The following PTGER3 variants were observed in gnomAD, a reference collection of about 807,000 sequenced individuals.
The protein encoded by PTGER3 is prostaglandin E receptor 3.
PTGER3 carries 22 observed loss-of-function variants against 34.7 expected under a neutral mutation model. That is an observed-to-expected ratio of 0.63 (90% CI 0.45 to 0.91). The LOEUF (loss-of-function observed/expected upper bound fraction) is 0.91. PTGER3 is among the 40% of genes least tolerant of loss of function. The pLI, the probability that PTGER3 is intolerant of heterozygous loss-of-function variation, is 0.00. For missense variants in PTGER3, 468 were observed against 519.4 expected (o/e 0.90, Z 0.96); for synonymous variants, 241 against 230.1 (o/e 1.05, Z -0.43).
intron 4 of PTGER3, among the ~76,000 whole-genome samples, chr1:70,939,944 C>A (rs957181894): frequency 2.0e-5 from 3 of 152,326 alleles, no homozygotes; most frequent in African/African-American, 4.8e-5. Context: ...GCTTGAATTT[C>A]TATCCAGAAG....
intron 4 of PTGER3, among the ~76,000 whole-genome samples, chr1:70,876,082 C>T (rs1420208320): frequency 6.6e-6 from 1 of 152,142 alleles, no homozygotes; most frequent in Non-Finnish European, 1.5e-5. Flanking sequence ...TCCTTTTCTC[C>T]ACAACCTTGC....
At chr1:71,010,652 C>T (rs77535479) in intron 2 of PTGER3, 1 of 984,310 alleles carries the variant, frequency 1.0e-6, no homozygotes, top group East Asian at 1.1e-4. Flanking sequence ...ATGAGATGAC[C>T]TACAGGATAA....
chr1:70,994,862 G>A (rs1655795387), intron 2 of PTGER3, among the ~76,000 whole-genome samples: 1 of 151,878 alleles, frequency 6.6e-6, no homozygotes, highest in Non-Finnish European at 1.5e-5. Flanking sequence ...GTATTTCTAT[G>A]TCTACTGTGT....
intron 2 of PTGER3, among the ~76,000 whole-genome samples, chr1:70,964,851 ATTTG>A (rs1411958320): frequency 3.3e-5 from 5 of 152,230 alleles, no homozygotes; most frequent in Non-Finnish European, 7.3e-5. Context: ...TCCAGCAAGA[ATTTG>A]TTTGTACCAG....
At chr1:70,914,293 G>A (rs529218797) in intron 4 of PTGER3, among the ~76,000 whole-genome samples, 1 of 151,794 alleles carries the variant, frequency 6.6e-6, no homozygotes, top group South Asian at 2.1e-4. Context: ...AACTGCAGTT[G>A]ATATCTAGTC....
chr1:70,974,175 T>A, intron 3 of PTGER3, 122 bp downstream of exon 3: 1 of 1,356,210 alleles, frequency 7.4e-7, no homozygotes. Context: ...CTTAATCAGA[T>A]GTATATGTTT....
At chr1:71,002,717 A>G (rs891379726) in intron 2 of PTGER3, among the ~76,000 whole-genome samples, 1 of 152,216 alleles carries the variant, frequency 6.6e-6, no homozygotes, top group Non-Finnish European at 1.5e-5. Context: ...TTATTTCTCC[A>G]AAATATTTCA....
chr1:71,043,581 A>C (rs1034716876), intron 1 of PTGER3, among the ~76,000 whole-genome samples: 1 of 152,214 alleles, frequency 6.6e-6, no homozygotes, highest in Admixed American at 6.5e-5. Context: ...TTAGAATAGT[A>C]TCCTACACCC....
At chr1:70,941,368 A>G (rs1179901808) in intron 4 of PTGER3, among the ~76,000 whole-genome samples, 1 of 152,204 alleles carries the variant, frequency 6.6e-6, no homozygotes, top group African/African-American at 2.4e-5. Flanking sequence ...TTGGGCATAA[A>G]ATGAAAATTG....
At position 70,974,369 on chromosome 1, in the gene PTGER3, T is replaced by C. The variant is rs13306014; in HGVS notation, c.1097A>G (p.Asn366Ser). Reference protein sequence around the residue: ...KFCQIRYHTNNYASSSTSLPC... With the variant: ...KFCQIRYHTNSYASSSTSLPC... ...TAAGGAGGTGGAGCTGGATGCATAG[T>C]TGTTTGTGTGGTACCTGATCTGTGA... The change falls in exon 3 of 4, where the codon AAC becomes AGC. Residue 366 changes from asparagine (N) to serine (S), a missense_variant. By Grantham distance (46) the Asn-to-Ser change is conservative. Around this residue, in one of 5 missense-constraint regions of PTGER3, gnomAD observed 57 missense variants for 43.8 expected, o/e 1.30. Coordinates refer to ENST00000306666, the MANE Select transcript of PTGER3 (RefSeq NM_198719.2). 2,665 of 1,116,058 alleles carry C rather than the reference T, an allele frequency of 2.4e-3. 39 individuals are homozygous for C. The East Asian group carries it at 0.028, about 12-fold the overall frequency. The allele number at this position is 1,116,058 out of a possible 1,614,324, so 69.1% of individuals were successfully genotyped here.
At chr1:70,938,859 A>G (rs1410517129) in intron 4 of PTGER3, among the ~76,000 whole-genome samples, 1 of 152,190 alleles carries the variant, frequency 6.6e-6, no homozygotes, top group Non-Finnish European at 1.5e-5. Flanking sequence ...GGGTAGGGAC[A>G]TGGCCAAACC....
chr1:70,992,138 A>G (rs1425519575), intron 2 of PTGER3, among the ~76,000 whole-genome samples: 2 of 152,206 alleles, frequency 1.3e-5, no homozygotes, highest in African/African-American at 2.4e-5. Flanking sequence ...CACAGCTAGT[A>G]AGTAAATGAA....
At chr1:70,893,757 C>T (rs750412243) in intron 4 of PTGER3, among the ~76,000 whole-genome samples, 35 of 152,220 alleles carry the variant, frequency 2.3e-4, no homozygotes, top group Non-Finnish European at 4.4e-4. Flanking sequence ...CCAAGATGAA[C>T]GTATGCAAAT....
At chr1:71,039,606 C>T (rs549646877) in intron 1 of PTGER3, among the ~76,000 whole-genome samples, 53 of 141,544 alleles carry the variant, frequency 3.7e-4, no homozygotes, top group Non-Finnish European at 5.3e-4. Flanking sequence ...GCGGAGATTG[C>T]GCCACTGCAC....
chr1:70,977,261 G>C (rs1300675948), intron 2 of PTGER3, among the ~76,000 whole-genome samples: 1 of 152,012 alleles, frequency 6.6e-6, no homozygotes, highest in Non-Finnish European at 1.5e-5. Flanking sequence ...TCATTTGTTT[G>C]GCCTTCTGCT....
chr1:70,955,501 G>A (rs529207121), intron 2 of PTGER3, among the ~76,000 whole-genome samples: 25 of 152,142 alleles, frequency 1.6e-4, no homozygotes, highest in African/African-American at 6.0e-4. Context: ...ATGGAGGAAA[G>A]GAAGAAGGGA....
intron 4 of PTGER3, among the ~76,000 whole-genome samples, chr1:70,877,667 C>T (rs1222052603): frequency 2.6e-5 from 4 of 152,054 alleles, no homozygotes; most frequent in African/African-American, 9.7e-5. Flanking sequence ...TGAAGGGATG[C>T]TGACTTTTAT....
rs182974132 is a variant in PTGER3, at chr1:70,996,280, A to G, written c.1077+16025T>C. ...GAATTAGGTTGAATAGTTAAGTAGTAATTAGGCTTGACTTACCTAAAAAAA... is the reference window on the plus strand; with the variant it reads ...GAATTAGGTTGAATAGTTAAGTAGTGATTAGGCTTGACTTACCTAAAAAAA... On this transcript the variant is annotated intron_variant, in intron 2 of 3. Transcript: ENST00000306666. Among the ~76,000 whole-genome samples the G allele has an allele frequency of 4.6e-5, 7 of 152,218 alleles. No individual in the cohort carries two copies. The East Asian group carries it at 1.2e-3, about 25-fold the overall frequency.
At chr1:70,869,779 C>A (rs1322288171) in intron 4 of PTGER3, among the ~76,000 whole-genome samples, 1 of 152,188 alleles carries the variant, frequency 6.6e-6, no homozygotes, top group African/African-American at 2.4e-5. Flanking sequence ...AAGGTGTGAG[C>A]TCCCAAGGCC....
Sources: gnomAD v4.1 joint callset for allele counts (sites outside exome capture counted in the v4.1 genomes callset) on GRCh38, gnomAD v4.1.1 for gene constraint, gnomAD v4.1.1 regional missense constraint, MANE v1.5 for transcripts, NCBI Gene and HGNC (gene_info 2026-07-23, HGNC 2026-07-21) for gene names.